The following FARS2 variants were observed in gnomAD, a reference collection of about 807,000 sequenced individuals.
FARS2 encodes phenylalanyl-tRNA synthetase 2, mitochondrial, also known as phenylalanine--tRNA ligase, mitochondrial.
FARS2 carries 40 observed loss-of-function variants against 46.4 expected under a neutral mutation model. That is an observed-to-expected ratio of 0.86 (90% CI 0.67 to 1.12). The LOEUF (loss-of-function observed/expected upper bound fraction) is 1.12. Ranked by LOEUF, FARS2 falls within the 50% of genes most tolerant of loss-of-function variation. The pLI is 0.00. For synonymous variants in FARS2, 234 were observed against 214.9 expected, an observed-to-expected ratio of 1.09 and a Z score of -0.78; for missense variants, 513 against 567.9, an observed-to-expected ratio of 0.90 and a Z score of 0.98.
intron 4 of FARS2, among the ~76,000 whole-genome samples, chr6:5,530,912 A>T (rs1769787628): frequency 6.8e-6 from 1 of 148,008 alleles, no homozygotes; most frequent in South Asian, 2.1e-4. Context: ...TAACTATATA[A>T]TGTATAAATA....
Position 5,486,561 on chromosome 6 carries a change from C to T in FARS2, c.904+55389C>T, listed in dbSNP as rs540349749. ...AACTTCTGAGTAAATGATTGCTTTC[C>T]CTTTGCTTGTGAGGAGGGATAGCCA... On this transcript the variant is annotated intron_variant, in intron 4 of 6. Coordinates refer to ENST00000274680, the MANE Select transcript of FARS2 (RefSeq NM_006567.5). Among the ~76,000 whole-genome samples the T allele has an allele frequency of 2.6e-5, 4 of 152,302 alleles. 1 individual carries two copies. In the South Asian group the frequency reaches 8.3e-4, roughly 32 times the overall value.
chr6:5,755,208 T>C (rs535119869), intron 6 of FARS2, among the ~76,000 whole-genome samples: 2 of 152,356 alleles, frequency 1.3e-5, no homozygotes, highest in South Asian at 4.1e-4. Context: ...TGTAAGTCTT[T>C]TTTTATTATA....
intron 1 of FARS2, among the ~76,000 whole-genome samples, chr6:5,341,726 C>G (rs1051845902): frequency 2.6e-5 from 4 of 151,992 alleles, no homozygotes; most frequent in African/African-American, 9.7e-5. Context: ...ACCATATTGG[C>G]CAGGCTGGTC....
At chr6:5,436,047 CATACA>C (rs75122165) in intron 4 of FARS2, among the ~76,000 whole-genome samples, 1 of 151,452 alleles carries the variant, frequency 6.6e-6, no homozygotes, top group African/African-American at 2.4e-5. Context: ...AATATCACAG[CATACA>C]ATACACAGAC....
intron 1 of FARS2, among the ~76,000 whole-genome samples, chr6:5,287,198 A>C (rs1322312141): frequency 6.6e-6 from 1 of 152,220 alleles, no homozygotes; most frequent in Non-Finnish European, 1.5e-5. Context: ...TTGATTTTGC[A>C]TGTTGAGCCC....
intron 2 of FARS2, among the ~76,000 whole-genome samples, chr6:5,375,602 A>G (rs1300108184): frequency 2.0e-5 from 3 of 152,082 alleles, no homozygotes; most frequent in Admixed American, 2.0e-4. Context: ...TAAGACTTAT[A>G]CTTGTGTAGT....
chr6:5,650,153 G>T (rs187203664), intron 6 of FARS2, among the ~76,000 whole-genome samples: 4 of 152,150 alleles, frequency 2.6e-5, no homozygotes, highest in Admixed American at 2.6e-4. Flanking sequence ...TCAGGAGGGG[G>T]ACATGGAATG....
intron 4 of FARS2, among the ~76,000 whole-genome samples, chr6:5,543,994 T>C (rs752503611): frequency 1.3e-4 from 20 of 151,924 alleles, no homozygotes; most frequent in Non-Finnish European, 2.6e-4. Context: ...ATTGATAGGG[T>C]CCCCTGATCA....
intron 6 of FARS2, among the ~76,000 whole-genome samples, chr6:5,697,242 G>A (rs1473539406): frequency 3.3e-5 from 5 of 152,154 alleles, no homozygotes; most frequent in Non-Finnish European, 5.9e-5. Flanking sequence ...ATTGATGGCC[G>A]AACTGATGAT....
chr6:5,456,561 A>C (rs1373025403), intron 4 of FARS2, among the ~76,000 whole-genome samples: 2 of 151,710 alleles, frequency 1.3e-5, no homozygotes, highest in Non-Finnish European at 2.9e-5. Context: ...GTGAAACCCC[A>C]CCTCTACTAA....
chr6:5,425,825 G>C (rs145428040), intron 3 of FARS2, among the ~76,000 whole-genome samples: 1 of 152,198 alleles, frequency 6.6e-6, no homozygotes, highest in Non-Finnish European at 1.5e-5. Flanking sequence ...ATTTGAGTCA[G>C]TGTCCAGATC....
intron 5 of FARS2, among the ~76,000 whole-genome samples, chr6:5,568,468 C>T (rs541341000): frequency 3.3e-5 from 5 of 152,234 alleles, no homozygotes; most frequent in South Asian, 2.1e-4. Context: ...AGATAGCTCC[C>T]GCACTAGTGA....
chr6:5,681,554 T>TA (rs1241545665), intron 6 of FARS2, among the ~76,000 whole-genome samples: 1 of 152,150 alleles, frequency 6.6e-6, no homozygotes, highest in Admixed American at 6.5e-5. Flanking sequence ...AAAAGTTACT[T>TA]AAAAAACGGA....
intron 6 of FARS2, among the ~76,000 whole-genome samples, chr6:5,744,240 G>A (rs887248650): frequency 1.3e-5 from 2 of 152,182 alleles, no homozygotes; most frequent in African/African-American, 4.8e-5. Context: ...GAGGTGAACA[G>A]GGGTGGAGAG....
At chr6:5,485,793 G>A (rs890873062) in intron 4 of FARS2, among the ~76,000 whole-genome samples, 15 of 152,172 alleles carry the variant, frequency 9.9e-5, no homozygotes, top group Non-Finnish European at 1.9e-4. Context: ...GCCATGAGCC[G>A]CACATGGCTG....
intron 6 of FARS2, among the ~76,000 whole-genome samples, chr6:5,701,848 G>A (rs71557578): frequency 0.034 from 5,239 of 152,252 alleles, 127 homozygotes; most frequent in Non-Finnish European, 0.055. Context: ...TGGGCTGCTC[G>A]TGGCATGTGG....
At chr6:5,608,234 C>T (rs760487876) in intron 5 of FARS2, among the ~76,000 whole-genome samples, 5 of 152,032 alleles carry the variant, frequency 3.3e-5, no homozygotes, top group East Asian at 1.9e-4. Context: ...CATCAGTTTG[C>T]GCATGTCCAA....
chr6:5,259,175 C>A (rs888449678), upstream of FARS2, among the ~76,000 whole-genome samples: 7 of 152,214 alleles, frequency 4.6e-5, no homozygotes, highest in Non-Finnish European at 7.3e-5. Context: ...GAACTGCCTG[C>A]TGATTCCAAG....
In FARS2 at chr6:5,500,255, A is replaced by G. The variant is rs545215555; in HGVS notation, c.905-44925A>G. 3.9e-5 allele frequency among the ~76,000 whole-genome samples: 6 copies of G among 152,314 alleles called. No individual in the cohort carries two copies. The South Asian group carries it at 1.2e-3, about 32-fold the overall frequency. Reference sequence around the variant, plus strand: ...TTGGGAAAATGTGTGTGGTACAGTGAGAAATTCTGGTAACTTGGGTACTGC... The same window carrying G: ...TTGGGAAAATGTGTGTGGTACAGTGGGAAATTCTGGTAACTTGGGTACTGC... On this transcript the variant is annotated intron_variant, in intron 4 of 6. Coordinates refer to ENST00000274680, the MANE Select transcript of FARS2 (RefSeq NM_006567.5).
Sources: gnomAD v4.1 joint callset for allele counts (sites outside exome capture counted in the v4.1 genomes callset) on GRCh38, gnomAD v4.1.1 for gene constraint, MANE v1.5 for transcripts, NCBI Gene and HGNC (gene_info 2026-07-23, HGNC 2026-07-21) for gene names.